Variants in MCM10 observed in about 807,000 individuals in gnomAD.
MCM10 encodes the protein minichromosome maintenance 10 replication initiation factor.
MCM10 carries 91 observed loss-of-function variants against 109.9 expected under a neutral mutation model. The ratio of observed to expected loss-of-function variants is 0.83; its 90% CI spans 0.70 to 0.99. The LOEUF (loss-of-function observed/expected upper bound fraction) is 0.99. MCM10 is among the 50% of genes least tolerant of loss of function. MCM10 has a pLI of 0.00. For synonymous variants in MCM10, 380 were observed against 387.2 expected, an observed-to-expected ratio of 0.98 and a Z score of 0.22; for missense variants, 1,077 against 1,061.2, an observed-to-expected ratio of 1.01 and a Z score of -0.21.
At chr10:13,165,154 C>T (rs1833977976) in intron 2 of MCM10, among the ~76,000 whole-genome samples, 1 of 152,096 alleles carries the variant, frequency 6.6e-6, no homozygotes, top group South Asian at 2.1e-4. Flanking sequence ...CCTGTACATA[C>T]ATACGTGTGA....
At chr10:13,185,397 G>A (rs1351028111) in intron 8 of MCM10, among the ~76,000 whole-genome samples, 3 of 152,176 alleles carry the variant, frequency 2.0e-5, no homozygotes, top group African/African-American at 7.2e-5. Flanking sequence ...GCTGAGTTCA[G>A]CAAGGCCCTT....
In MCM10 at chr10:13,172,321, A is replaced by G; in HGVS notation, c.350-55A>G. The G allele has an allele frequency of 7.3e-7, 1 of 1,371,542 alleles. No individual in the cohort carries two copies. The highest frequency in any genetic ancestry group is 1.0e-6 in the Non-Finnish European group (1 of 966,520). The allele number at this position is 1,371,542 out of a possible 1,614,324, so 85.0% of individuals were successfully genotyped here. On this transcript the variant is annotated intron_variant, in intron 3 of 19. Transcript: ENST00000378714. This position sits in a 1 kb window ranked among gnomAD's most constrained non-coding sequence, Gnocchi z 5.2. ...CAAAAATATTGCCCGCATTTTTGTC[A>G]TGTAGAACGTTTTCTCCTGCCTGGT...
At chr10:13,180,885 T>C (rs1163525975) in intron 7 of MCM10, among the ~76,000 whole-genome samples, 1 of 152,180 alleles carries the variant, frequency 6.6e-6, no homozygotes, top group Non-Finnish European at 1.5e-5. Flanking sequence ...CACATGTGGT[T>C]GTCCCTGTGA....
chr10:13,199,814 G>C (rs11817535), intron 16 of MCM10, among the ~76,000 whole-genome samples: 12,759 of 152,160 alleles, frequency 0.084, 1,024 homozygotes, highest in African/African-American at 0.21. Flanking sequence ...TTGGTAAATA[G>C]CATGGACCTA....
chr10:13,192,852 G>A (rs1182405049), intron 13 of MCM10, among the ~76,000 whole-genome samples: 9 of 152,080 alleles, frequency 5.9e-5, no homozygotes, highest in Admixed American at 3.9e-4. Flanking sequence ...GGGGGAGAGC[G>A]TAGGTTCACA....
At chr10:13,175,902 A>G (rs1248044889) in intron 6 of MCM10, among the ~76,000 whole-genome samples, 1 of 152,258 alleles carries the variant, frequency 6.6e-6, no homozygotes, top group Non-Finnish European at 1.5e-5. Flanking sequence ...TATGTAATCA[A>G]CAAAGAATCT....
chr10:13,205,476 T>G (rs10796039), intron 18 of MCM10, among the ~76,000 whole-genome samples: 112,857 of 151,992 alleles, frequency 0.74, 42,498 homozygotes, highest in Non-Finnish European at 0.81. Flanking sequence ...ATTTTGACTA[T>G]TACTGTGATA....
rs770936196 is a variant in MCM10, at chr10:13,172,475, C to A, written c.449C>A (p.Ser150Tyr). 6.2e-7 allele frequency: 1 copy of A among 1,613,820 alleles called. No individual in the cohort carries two copies. The highest frequency in any genetic ancestry group is 8.5e-7 in the Non-Finnish European group (1 of 1,179,820). Residue 150 changes from serine to tyrosine, a missense_variant, in exon 4 of 20, where the codon TCC (serine) becomes TAC (tyrosine). By Grantham distance (144) the Ser-to-Tyr change is moderately radical. Coordinates refer to ENST00000378714, the MANE Select transcript of MCM10 (RefSeq NM_018518.5). This position sits in a 1 kb window ranked among gnomAD's most constrained non-coding sequence, Gnocchi z 5.2. ...QTASPARLQK[S>Y]PEKSPRPPLK... ...GCAAGCCCAGCCCGTCTGCAAAAAT[C>A]CCCTGGTAAGAAGACTGTCATTCTG...
intron 7 of MCM10, among the ~76,000 whole-genome samples, chr10:13,181,647 C>A (rs1228920973): frequency 6.6e-6 from 1 of 152,052 alleles, no homozygotes; most frequent in African/African-American, 2.4e-5. Flanking sequence ...ATGTAACAAA[C>A]CTGCACATCC....
chr10:13,190,311 T>C (rs2131577942), intron 10 of MCM10, among the ~76,000 whole-genome samples: 2 of 152,354 alleles, frequency 1.3e-5, no homozygotes, highest in Middle Eastern at 6.8e-3. Context: ...ACAATACATG[T>C]ATATTAGTCT....
At chr10:13,184,024 T>C (rs546605376) in intron 8 of MCM10, among the ~76,000 whole-genome samples, 2 of 152,202 alleles carry the variant, frequency 1.3e-5, no homozygotes, top group South Asian at 4.2e-4. Context: ...CCTAGCTAAT[T>C]TTTTTTGCAT....
rs567152122 is a variant in MCM10, at chr10:13,210,120, C to T, written c.*810C>T. ...CCTGGCTGGAGTGCAGTAGTGCGATCGCGGCACACTGCAGCCTTGGCTTCC... is the reference window on the plus strand; with the variant it reads ...CCTGGCTGGAGTGCAGTAGTGCGATTGCGGCACACTGCAGCCTTGGCTTCC... On this transcript the variant is annotated 3_prime_UTR_variant, in exon 20 of 20. Transcript: ENST00000378714. 16 of 151,704 alleles carry T rather than the reference C, an allele frequency of 1.1e-4. No individual in the cohort carries two copies. The East Asian group carries it at 2.7e-3, about 26-fold the overall frequency. The allele number at this position is 151,704 out of a possible 1,614,324, so 9.4% of individuals were successfully genotyped here.
chr10:13,192,471 C>T lies in MCM10; in HGVS notation c.1648C>T (p.Pro550Ser), dbSNP rs772084961. The T allele has an allele frequency of 1.2e-6, 2 of 1,614,198 alleles. No individual in the cohort carries two copies. Among genetic ancestry groups the T allele is most frequent in the South Asian group, 2.2e-5 (2 of 91,086 alleles). Reference sequence around the variant, plus strand: ...TTCAGGGATTATGGGGAGCCCAAAACCAGCCATCAAGTCCATCTCGGCCTC... The same window carrying T: ...TTCAGGGATTATGGGGAGCCCAAAATCAGCCATCAAGTCCATCTCGGCCTC... ...TASGIMGSPKPAIKSISASAL... is the reference protein window; with the variant it reads ...TASGIMGSPKSAIKSISASAL... The change falls in exon 13 of 20, where the codon CCA becomes TCA. Residue 550 changes from proline to serine, a missense_variant. Physicochemically the swap from Pro to Ser is moderately conservative, Grantham distance 74. Transcript: ENST00000378714.
chr10:13,181,938 G>A (rs4748023), intron 7 of MCM10, among the ~76,000 whole-genome samples: 5 of 152,252 alleles, frequency 3.3e-5, no homozygotes, highest in South Asian at 4.1e-4. Context: ...TCCCCAGCCC[G>A]GGATGCCTCT....
At chr10:13,178,751 T>C (rs1273899863) in intron 6 of MCM10, among the ~76,000 whole-genome samples, 2 of 152,246 alleles carry the variant, frequency 1.3e-5, no homozygotes, top group Non-Finnish European at 2.9e-5. Context: ...AAGACTGTCA[T>C]TGGTACTTTG....
chr10:13,182,983 A>G lies in MCM10; in HGVS notation c.981A>G (p.Gln327=). The part of the protein sequence containing the change: ...WKLNDLRDLT[Q]CVSLFLFGEV... ...TGAATGATCTTCGTGACCTGACACA[A>G]TGTGTGTCCTTGTTCTTATTTGGAG... is the stretch of plus-strand genomic sequence containing the variant. The change falls in exon 8 of 20, where the codon CAA becomes CAG. Residue 327 remains glutamine, a synonymous_variant. Transcript: ENST00000378714. The surrounding 1 kb of genome is among the most constrained non-coding windows in gnomAD (Gnocchi z 4.2). The G allele has an allele frequency of 6.2e-7, 1 of 1,614,066 alleles. No individual in the cohort carries two copies. Among genetic ancestry groups the G allele is most frequent in the Non-Finnish European group, 8.5e-7 (1 of 1,179,932 alleles).
At chr10:13,193,377 G>C (rs2131580558) in intron 13 of MCM10, among the ~76,000 whole-genome samples, 1 of 152,060 alleles carries the variant, frequency 6.6e-6, no homozygotes, top group South Asian at 2.1e-4. Context: ...CAGGTCACCT[G>C]AATACTAATG....
At chr10:13,175,029 G>C (rs1036839474) in intron 5 of MCM10, among the ~76,000 whole-genome samples, 3 of 152,234 alleles carry the variant, frequency 2.0e-5, no homozygotes, top group Non-Finnish European at 2.9e-5. Context: ...TTGGGAGGCT[G>C]AGGCAGGAGA....
intron 2 of MCM10, among the ~76,000 whole-genome samples, chr10:13,166,513 T>C (rs1833998752): frequency 6.6e-6 from 1 of 151,612 alleles, no homozygotes; most frequent in African/African-American, 2.4e-5. Context: ...CACATGCCTG[T>C]AATCCCAGCT....
Sources: allele counts gnomAD v4.1 joint callset (sites outside exome capture counted in the v4.1 genomes callset), GRCh38; gene constraint gnomAD v4.1.1; non-coding constraint Gnocchi (gnomAD v3.1); transcripts MANE v1.5; gene names NCBI Gene and HGNC (gene_info 2026-07-23, HGNC 2026-07-21).